The following POLR2L variants were observed in gnomAD, a reference collection of about 807,000 sequenced individuals.
POLR2L encodes the protein RNA polymerase II, I and III subunit L.
A neutral mutation model predicts 6.8 loss-of-function variants in POLR2L; 7 were observed. The ratio of observed to expected loss-of-function variants is 1.03; its 90% confidence interval spans 0.59 to 1.94. POLR2L has a LOEUF of 1.94. Ranked by LOEUF, POLR2L falls within the 30% of genes most tolerant of loss-of-function variation. The probability of loss-of-function intolerance (pLI) is 0.00; values close to 1 mark genes in which losing one functional copy is unlikely to be tolerated. For missense variants in POLR2L, 93 were observed against 86.7 expected, an observed-to-expected ratio of 1.07 and a Z score of -0.29; for synonymous variants, 59 against 39.8, an observed-to-expected ratio of 1.48 and a Z score of -1.82.
chr11:840,475 G>A lies in POLR2L; in HGVS notation c.101C>T (p.Ala34Val). The A allele has an allele frequency of 6.2e-6, 10 of 1,608,110 alleles. No individual in the cohort carries two copies. The highest frequency in any genetic ancestry group is 2.2e-5 in the South Asian group (2 of 91,020). The change falls in exon 2 of 2, where the codon GCG becomes GTG. Residue 34 changes from alanine (A) to valine (V), a missense_variant. Ala to Val is a moderately conservative substitution (Grantham distance 64). Transcript: ENST00000322028. ...GCGCTTCAGGCCCAGGGCATCCAGC[G>A]CATCCCTGTGTCGAGGGGAGGAGCA... ...LLQAEYTEGD[A>V]LDALGLKRYC...
rs759249052 is a variant in POLR2L at position 842,407 on chromosome 11, G to A, written c.95+7C>T. On this transcript the variant is annotated splice_region_variant and intron_variant, in intron 1 of 1. Coordinates refer to ENST00000322028, the MANE Select transcript of POLR2L (RefSeq NM_021128.5). ...GACTCAGCCCCTAGCCCCGGCCCGC[G>A]CCTCACCCCTCGGTGTACTCGGCCT... 4 of 1,570,552 alleles carry A rather than the reference G, an allele frequency of 2.5e-6. No individual in the cohort carries two copies. Among genetic ancestry groups the A allele is most frequent in the Non-Finnish European group, 3.4e-6 (4 of 1,160,858 alleles).
At position 842,518 on chromosome 11, in the gene POLR2L, G is replaced by A. The variant is rs375413914; in HGVS notation, c.-10C>T. On this transcript the variant is annotated 5_prime_UTR_variant, in exon 1 of 2. Coordinates refer to ENST00000322028, the MANE Select transcript of POLR2L (RefSeq NM_021128.5). ...GTACAGGGATGATCATGGCGGCGGC[G>A]CGTCCCAGACTGCCCGGCCCGGCCC... The A allele has an allele frequency of 1.2e-4, 194 of 1,571,216 alleles. No individual in the cohort carries two copies. In the African/African-American group the frequency reaches 2.3e-3, roughly 19 times the overall value.
At chr11:841,960 C>G (rs921420896) in intron 1 of POLR2L, among the ~76,000 whole-genome samples, 1 of 152,252 alleles carries the variant, frequency 6.6e-6, no homozygotes, top group Admixed American at 6.5e-5. Context: ...GTTGTCCAGG[C>G]TGGTCTCGAC....
intron 1 of POLR2L, among the ~76,000 whole-genome samples, chr11:841,345 G>C (rs964636589): frequency 6.6e-6 from 1 of 152,206 alleles, no homozygotes; most frequent in Non-Finnish European, 1.5e-5. Flanking sequence ...CGTGGTGACA[G>C]CAGCACCAAG....
chr11:842,510 G>A lies in POLR2L; in HGVS notation c.-2C>T. ...GAAGCAGCGTACAGGGATGATCATG[G>A]CGGCGGCGCGTCCCAGACTGCCCGG... On this transcript the variant is annotated 5_prime_UTR_variant, in exon 1 of 2. Transcript: ENST00000322028. The A allele has an allele frequency of 2.5e-6, 4 of 1,573,582 alleles. No homozygotes were observed. Among genetic ancestry groups the A allele is most frequent in the Non-Finnish European group, 3.4e-6 (4 of 1,161,886 alleles).
intron 1 of POLR2L, among the ~76,000 whole-genome samples, chr11:841,426 TTC>T (rs1276561740): frequency 6.6e-6 from 1 of 152,096 alleles, no homozygotes; most frequent in Non-Finnish European, 1.5e-5. Flanking sequence ...TACCCTGCAT[TTC>T]TTTTTCTGTG....
intron 1 of POLR2L, among the ~76,000 whole-genome samples, chr11:841,421 T>A (rs1385245167): frequency 6.6e-6 from 1 of 152,168 alleles, no homozygotes; most frequent in Non-Finnish European, 1.5e-5. Flanking sequence ...AAGTCTACCC[T>A]GCATTTCTTT....
rs762713841 is a variant in POLR2L, at chr11:842,492, C to T, written c.17G>A (p.Arg6His). 4 of 1,586,050 alleles carry T rather than the reference C, an allele frequency of 2.5e-6. No individual in the cohort carries two copies. The highest frequency in any genetic ancestry group is 2.4e-5 in the East Asian group (1 of 41,444). ...GACGATCTTGCCACAAGTGAAGCAG[C>T]GTACAGGGATGATCATGGCGGCGGC... is the stretch of plus-strand genomic sequence containing the variant. MIIPV[R>H]CFTCGKIVGN... Residue 6 changes from arginine (R) to histidine (H), a missense_variant, in exon 1 of 2, where the codon CGC becomes CAC. Arg to His is a conservative substitution (Grantham distance 29, BLOSUM62 0). Transcript: ENST00000322028.
Position 839,923 on chromosome 11 carries a change from G to A in POLR2L, c.*449C>T, listed in dbSNP as rs1197740287. 1.3e-5 allele frequency: 2 copies of A among 155,272 alleles called. No individual in the cohort carries two copies. Among genetic ancestry groups the A allele is most frequent in the Non-Finnish European group, 2.9e-5 (2 of 70,054 alleles). The allele number at this position is 155,272 out of a possible 1,614,324, so 9.6% of individuals were successfully genotyped here. On this transcript the variant is annotated 3_prime_UTR_variant, in exon 2 of 2. Coordinates refer to ENST00000322028, the MANE Select transcript of POLR2L (RefSeq NM_021128.5). ...CCTCCCAAAGTCCTGGGATTATAGG[G>A]GTGAGCCCCTTTGCCCGGCCTAAAT...
At chr11:841,151 G>A (rs1382550663) in intron 1 of POLR2L, among the ~76,000 whole-genome samples, 1 of 152,236 alleles carries the variant, frequency 6.6e-6, no homozygotes, top group Non-Finnish European at 1.5e-5. Flanking sequence ...GTTCCTATCC[G>A]GGGAAAGGGT....
Position 842,307 on chromosome 11 carries a change from C to G in POLR2L, c.95+107G>C, listed in dbSNP as rs867229027. On this transcript the variant is annotated intron_variant, in intron 1 of 1. Transcript: ENST00000322028. Reference sequence around the variant, plus strand: ...CTGCTCATGGGGCGCTGGCCTCAGGCAGCGCTGCGCCTCCCGCCCCGGCGC... The same window carrying G: ...CTGCTCATGGGGCGCTGGCCTCAGGGAGCGCTGCGCCTCCCGCCCCGGCGC... 462 of 695,084 alleles carry G rather than the reference C, an allele frequency of 6.6e-4. 2 individuals are homozygous for G. In the Middle Eastern group the frequency reaches 0.018, roughly 27 times the overall value. The allele number at this position is 695,084 out of a possible 1,614,324, so 43.1% of individuals were successfully genotyped here.
chr11:842,522 C>T lies in POLR2L; in HGVS notation c.-14G>A, dbSNP rs745322061. On this transcript the variant is annotated 5_prime_UTR_variant, in exon 1 of 2. Transcript: ENST00000322028. ...AGGGATGATCATGGCGGCGGCGCGT[C>T]CCAGACTGCCCGGCCCGGCCCGGCC... is the stretch of plus-strand genomic sequence containing the variant. The T allele has an allele frequency of 1.0e-5, 16 of 1,566,260 alleles. No individual in the cohort carries two copies. The highest frequency in any genetic ancestry group is 1.3e-5 in the Non-Finnish European group (15 of 1,157,936).
rs376568525 is a variant in POLR2L at position 839,732 on chromosome 11, C to T, written c.*640G>A. 4 of 151,958 alleles carry T rather than the reference C, an allele frequency of 2.6e-5. No homozygotes were observed. Among genetic ancestry groups the T allele is most frequent in the African/African-American group, 9.7e-5 (4 of 41,434 alleles). 9.4% of individuals were successfully genotyped at this position (151,958 alleles called of 1,614,324 possible). A position where few individuals can be genotyped will look rare whatever the true frequency, so the allele number is the denominator to read the frequency against. On this transcript the variant is annotated 3_prime_UTR_variant, in exon 2 of 2. Transcript: ENST00000322028. The stretch of plus-strand genomic sequence containing the variant: ...CAAACACAGTTCACTGCAGTGGCAA[C>T]CTCCCAGGTTCCAGTGATCCTCCTG...
At chr11:842,312 C>T (rs1846994514) in intron 1 of POLR2L, 102 bp downstream of exon 1, 2 of 759,906 alleles carry the variant, frequency 2.6e-6, no homozygotes, top group African/African-American at 3.7e-5. Context: ...TCAGGCAGCG[C>T]TGCGCCTCCC....
At position 839,913 on chromosome 11, in the gene POLR2L, G is replaced by C. The variant is rs1846917389; in HGVS notation, c.*459C>G. 6.5e-6 allele frequency: 1 copy of C among 154,252 alleles called. No individual in the cohort carries two copies. Among genetic ancestry groups the C allele is most frequent in the Non-Finnish European group, 1.4e-5 (1 of 69,406 alleles). The allele number at this position is 154,252 out of a possible 1,614,324, so 9.6% of individuals were successfully genotyped here. On this transcript the variant is annotated 3_prime_UTR_variant, in exon 2 of 2. Transcript: ENST00000322028. Reference sequence around the variant, plus strand: ...CCTGCCTTGGCCTCCCAAAGTCCTGGGATTATAGGGGTGAGCCCCTTTGCC... The same window carrying C: ...CCTGCCTTGGCCTCCCAAAGTCCTGCGATTATAGGGGTGAGCCCCTTTGCC...
chr11:840,055 T>G lies in POLR2L; in HGVS notation c.*317A>C. On this transcript the variant is annotated 3_prime_UTR_variant, in exon 2 of 2. Coordinates refer to ENST00000322028, the MANE Select transcript of POLR2L (RefSeq NM_021128.5). ...AGAGCCCCGAGATGGAAGGCTCTCC[T>G]GGCAGCGCCTCCTGCAGGGGTGCCT... 1 of 258,324 alleles carries G rather than the reference T, an allele frequency of 3.9e-6. No homozygotes were observed. Among genetic ancestry groups the G allele is most frequent in the Non-Finnish European group, 7.4e-6 (1 of 135,124 alleles). 16.0% of individuals were successfully genotyped at this position (258,324 alleles called of 1,614,324 possible). A position where few individuals can be genotyped will look rare whatever the true frequency, so the allele number is the denominator to read the frequency against.
chr11:841,494 C>T lies in POLR2L; in HGVS notation c.95+920G>A, dbSNP rs141621852. On this transcript the variant is annotated intron_variant, in intron 1 of 1. Transcript: ENST00000322028. ...TCTCTTCCAGGCTGGAGTGCAGTGG[C>T]GTGATCTTGGCTCACTGCAACCTCC... Among the ~76,000 whole-genome samples, 365 of 151,860 alleles carry T rather than the reference C, an allele frequency of 2.4e-3. 6 individuals are homozygous for T. The highest frequency in any genetic ancestry group is 8.5e-3 in the African/African-American group (353 of 41,450).
At position 842,485 on chromosome 11, in the gene POLR2L, G is replaced by A. The variant is rs769528518; in HGVS notation, c.24C>T (p.Phe8=). ...TGTTGCCGACGATCTTGCCACAAGT[G>A]AAGCAGCGTACAGGGATGATCATGG... MIIPVRC[F]TCGKIVGNKW... Residue 8 remains phenylalanine (F), a synonymous_variant, in exon 1 of 2, where the codon TTC becomes TTT. Transcript: ENST00000322028. The A allele has an allele frequency of 3.8e-6, 6 of 1,596,566 alleles. No homozygotes were observed. The highest frequency in any genetic ancestry group is 2.2e-5 in the South Asian group (2 of 89,158).
Position 842,431 on chromosome 11 carries a change from C to T in POLR2L, c.78G>A (p.Gln26=). Residue 26 remains glutamine, a synonymous_variant, in exon 1 of 2, where the codon CAG becomes CAA. Coordinates refer to ENST00000322028, the MANE Select transcript of POLR2L (RefSeq NM_021128.5). ...NKWEAYLGLL[Q]AEYTEGDALD... ...CGCCTCACCCCTCGGTGTACTCGGC[C>T]TGCAGCAGCCCCAGGTAAGCCTCCC... is the stretch of plus-strand genomic sequence containing the variant. 1.3e-6 allele frequency: 2 copies of T among 1,593,666 alleles called. No homozygotes were observed. The highest frequency in any genetic ancestry group is 1.7e-6 in the Non-Finnish European group (2 of 1,172,096).
Sources: allele counts gnomAD v4.1 joint callset (sites outside exome capture counted in the v4.1 genomes callset), GRCh38; gene constraint gnomAD v4.1.1; transcripts MANE v1.5; gene names NCBI Gene and HGNC (gene_info 2026-07-23, HGNC 2026-07-21).